DPP10: variants seen among roughly 807,000 people sequenced by gnomAD.
DPP10 encodes the protein dipeptidyl peptidase like 10.
In DPP10, 33 loss-of-function variants were observed where a neutral mutation model predicts 120.9. The observed-to-expected ratio is 0.27, with a 90% CI of 0.21 to 0.37. DPP10 has a LOEUF of 0.37. DPP10 is among the 10% of genes least tolerant of loss of function. The probability of loss-of-function intolerance (pLI) is 1.00; values close to 1 mark genes in which losing one functional copy is unlikely to be tolerated. For synonymous variants in DPP10, 337 were observed against 326.1 expected (o/e 1.03, Z -0.36); for missense variants, 816 against 942.8 (o/e 0.87, Z 1.76).
chr2:114,593,788 A>G (rs1197913679), intron 1 of DPP10, among the ~76,000 whole-genome samples: 1 of 151,984 alleles, frequency 6.6e-6, no homozygotes, highest in Non-Finnish European at 1.5e-5. Flanking sequence ...GAAGAAAGCA[A>G]TGGGGATGCA....
intron 1 of DPP10, among the ~76,000 whole-genome samples, chr2:114,690,825 A>C (rs1699690878): frequency 6.6e-6 from 1 of 151,128 alleles, no homozygotes; most frequent in East Asian, 2.0e-4. Context: ...TTCTTTTTGT[A>C]GCAGTTTTGA....
intron 4 of DPP10, among the ~76,000 whole-genome samples, chr2:115,516,843 T>A (rs2077531091): frequency 6.6e-6 from 1 of 152,146 alleles, no homozygotes; most frequent in African/African-American, 2.4e-5. Context: ...ATGGACTTTT[T>A]ATCAAAAAAT....
intron 1 of DPP10, among the ~76,000 whole-genome samples, chr2:115,289,332 C>T (rs774144763): frequency 6.6e-6 from 1 of 151,680 alleles, no homozygotes; most frequent in Non-Finnish European, 1.5e-5. Flanking sequence ...GAAAAGCATC[C>T]CATGCTCATG....
At chr2:114,959,824 G>A (rs1261055307) in intron 1 of DPP10, among the ~76,000 whole-genome samples, 1 of 152,170 alleles carries the variant, frequency 6.6e-6, no homozygotes, top group East Asian at 1.9e-4. Context: ...TACTAGTAAT[G>A]TCAAATAGCT....
intron 1 of DPP10, among the ~76,000 whole-genome samples, chr2:114,494,119 A>AAAC (rs1381031690): frequency 7.2e-6 from 1 of 139,726 alleles, no homozygotes; most frequent in Non-Finnish European, 1.6e-5. Flanking sequence ...AAAAAAAAAA[A>AAAC]AACCCAGCAA....
At chr2:115,185,417 A>C (rs547473428) in intron 1 of DPP10, among the ~76,000 whole-genome samples, 2 of 152,294 alleles carry the variant, frequency 1.3e-5, no homozygotes, top group Admixed American at 6.5e-5. Context: ...TTCAACAAAG[A>C]AATACATTTA....
chr2:114,538,634 G>A (rs754276930), intron 1 of DPP10, among the ~76,000 whole-genome samples: 4 of 152,122 alleles, frequency 2.6e-5, no homozygotes, highest in Admixed American at 6.6e-5. Flanking sequence ...GGGTAAGTTA[G>A]GCTAGTTTGA....
intron 1 of DPP10, among the ~76,000 whole-genome samples, chr2:115,171,617 C>G (rs969665920): frequency 6.6e-6 from 1 of 151,764 alleles, no homozygotes; most frequent in Non-Finnish European, 1.5e-5. Flanking sequence ...GATTCTGGGT[C>G]TCTTTCCATC....
chr2:115,069,797 T>C (rs75289706), intron 1 of DPP10, among the ~76,000 whole-genome samples: 1 of 151,840 alleles, frequency 6.6e-6, no homozygotes, highest in Admixed American at 6.6e-5. Context: ...TTTTTTTTTT[T>C]AATTTGGTGA....
At chr2:115,184,297 T>G (rs1322424082) in intron 1 of DPP10, among the ~76,000 whole-genome samples, 1 of 152,206 alleles carries the variant, frequency 6.6e-6, no homozygotes, top group East Asian at 1.9e-4. Context: ...CAAGTGGAAT[T>G]CTTTTGCTGC....
chr2:115,747,945 C>T (rs1165968384), intron 10 of DPP10, among the ~76,000 whole-genome samples: 2 of 152,110 alleles, frequency 1.3e-5, no homozygotes, highest in African/African-American at 4.8e-5. Context: ...AAAAAGTTTG[C>T]AATGGGAATC....
intron 1 of DPP10, among the ~76,000 whole-genome samples, chr2:114,879,387 A>G (rs1691422782): frequency 6.6e-6 from 1 of 152,116 alleles, no homozygotes; most frequent in Admixed American, 6.6e-5. Flanking sequence ...ATTTCCCTTT[A>G]GCACTATATT....
chr2:115,109,564 G>C (rs1328315651), intron 1 of DPP10, among the ~76,000 whole-genome samples: 2 of 152,100 alleles, frequency 1.3e-5, no homozygotes, highest in African/African-American at 4.8e-5. Context: ...ATTCAACGTT[G>C]TCAATAAATA....
intron 5 of DPP10, among the ~76,000 whole-genome samples, chr2:115,556,364 GTTT>G (rs34615187): frequency 7.8e-6 from 1 of 128,688 alleles, no homozygotes; most frequent in African/African-American, 2.9e-5. Flanking sequence ...TTTTTGGCAG[GTTT>G]TTTTTTTTTT....
intron 5 of DPP10, among the ~76,000 whole-genome samples, chr2:115,636,753 T>TA (rs879269566): frequency 8.2e-4 from 121 of 147,898 alleles, no homozygotes; most frequent in Middle Eastern, 3.5e-3. Context: ...TTTTTAAAAG[T>TA]AAAAAAAAAA....
intron 1 of DPP10, among the ~76,000 whole-genome samples, chr2:115,298,112 T>C (rs1331097111): frequency 6.6e-6 from 1 of 152,054 alleles, no homozygotes. Flanking sequence ...GTCCAAATAT[T>C]TTGTGAATAC....
At chr2:115,471,808 C>A (rs1316681837) in intron 3 of DPP10, among the ~76,000 whole-genome samples, 2 of 135,998 alleles carry the variant, frequency 1.5e-5, no homozygotes, top group African/African-American at 5.3e-5. Context: ...TGTTTAGAGA[C>A]AAGGTCTCAC....
intron 3 of DPP10, among the ~76,000 whole-genome samples, chr2:115,439,272 T>A (rs2071795158): frequency 6.6e-6 from 1 of 151,598 alleles, no homozygotes. Flanking sequence ...GCTAAGATGG[T>A]CATGGGAGCA....
At chr2:115,741,884 T>A in intron 9 of DPP10, among the ~76,000 whole-genome samples, 1 of 152,070 alleles carries the variant, frequency 6.6e-6, no homozygotes, top group East Asian at 1.9e-4. Context: ...AACAAACCAA[T>A]GGGAGCATTT....
Sources: allele counts gnomAD v4.1 joint callset (sites outside exome capture counted in the v4.1 genomes callset), GRCh38; gene constraint gnomAD v4.1.1; transcripts MANE v1.5; gene names NCBI Gene and HGNC (gene_info 2026-07-23, HGNC 2026-07-21).